Variants in PCDH11Y observed in about 807,000 individuals in gnomAD.
PCDH11Y encodes the protein protocadherin-11 Y-linked.
For synonymous variants in PCDH11Y, 9 were observed against 83.6 expected (o/e 0.11, Z 4.87); for missense variants, 12 against 224.8 (o/e 0.05, Z 6.05).
chrY:5,308,109 A>C, intron 2 of PCDH11Y, among the ~76,000 whole-genome samples: 1 of 33,384 alleles, frequency 3.0e-5, no homozygotes, highest in East Asian at 7.9e-4. Context: ...TTTAAATATG[A>C]GGGGAATTTT....
At chrY:5,567,220 T>A in intron 3 of PCDH11Y, among the ~76,000 whole-genome samples, 1 of 32,488 alleles carries the variant, frequency 3.1e-5, no homozygotes, top group Non-Finnish European at 7.6e-5. Flanking sequence ...TGAAATAGCG[T>A]TTAAAATACC....
At chrY:5,006,354 C>T in intron 1 of PCDH11Y, among the ~76,000 whole-genome samples, 1 of 30,094 alleles carries the variant, frequency 3.3e-5, no homozygotes, top group Admixed American at 3.1e-4. Context: ...CCTGTGTCAA[C>T]GTGTGTTCAT....
At chrY:5,378,017 G>A in intron 2 of PCDH11Y, among the ~76,000 whole-genome samples, 1 of 33,417 alleles carries the variant, frequency 3.0e-5, no homozygotes, top group Non-Finnish European at 7.4e-5. Flanking sequence ...GAGATTACAG[G>A]CGTGAGCCAC....
chrY:5,488,008 A>G (rs2124686697), intron 2 of PCDH11Y, among the ~76,000 whole-genome samples: 1 of 33,896 alleles, frequency 3.0e-5, no homozygotes, highest in East Asian at 7.7e-4. Flanking sequence ...TAACAAACAC[A>G]CTGAAGAGAT....
At chrY:5,349,585 G>T (rs2053155726) in intron 2 of PCDH11Y, among the ~76,000 whole-genome samples, 1 of 33,664 alleles carries the variant, frequency 3.0e-5, no homozygotes. Flanking sequence ...TGGATGAATA[G>T]ATTTAAATTT....
At chrY:5,698,863 ATGT>A in intron 4 of PCDH11Y, among the ~76,000 whole-genome samples, 1 of 33,228 alleles carries the variant, frequency 3.0e-5, no homozygotes, top group Non-Finnish European at 7.4e-5. Flanking sequence ...TGCTAAAGAG[ATGT>A]TGTGATAATT....
intron 4 of PCDH11Y, among the ~76,000 whole-genome samples, chrY:5,725,682 C>G: frequency 3.2e-5 from 1 of 31,720 alleles, no homozygotes; most frequent in Admixed American, 2.9e-4. Context: ...CAAGCAACAA[C>G]AAAAAAATAC....
intron 2 of PCDH11Y, among the ~76,000 whole-genome samples, chrY:5,374,244 C>A: frequency 3.4e-5 from 1 of 29,503 alleles, no homozygotes; most frequent in Admixed American, 3.3e-4. Context: ...ATTTTTTGTT[C>A]CAATGTAGAG....
chrY:5,601,693 A>G, intron 4 of PCDH11Y, among the ~76,000 whole-genome samples: 1 of 32,888 alleles, frequency 3.0e-5, no homozygotes, highest in Admixed American at 2.8e-4. Flanking sequence ...TGTATGTGTT[A>G]TTATATATTT....
At chrY:5,372,626 G>C in intron 2 of PCDH11Y, among the ~76,000 whole-genome samples, 1 of 31,315 alleles carries the variant, frequency 3.2e-5, no homozygotes, top group Non-Finnish European at 7.9e-5. Flanking sequence ...AAAACTGTCT[G>C]ACCTGTGACC....
At chrY:5,694,373 G>A (rs2053570090) in intron 4 of PCDH11Y, among the ~76,000 whole-genome samples, 1 of 32,230 alleles carries the variant, frequency 3.1e-5, no homozygotes, top group Admixed American at 2.9e-4. Flanking sequence ...CATTATGTAC[G>A]TAAATAAACA....
At chrY:5,718,221 A>G in intron 4 of PCDH11Y, among the ~76,000 whole-genome samples, 1 of 33,470 alleles carries the variant, frequency 3.0e-5, no homozygotes, top group Non-Finnish European at 7.4e-5. Context: ...TTAACTGTAC[A>G]TTAAAAAATA....
At chrY:5,357,216 C>CAT in intron 2 of PCDH11Y, among the ~76,000 whole-genome samples, 1 of 20,180 alleles carries the variant, frequency 5.0e-5, no homozygotes, top group African/African-American at 2.3e-4. Context: ...TATATATATA[C>CAT]ACGTATATAT....
chrY:5,026,195 G>A, intron 1 of PCDH11Y, among the ~76,000 whole-genome samples: 1 of 32,713 alleles, frequency 3.1e-5, no homozygotes, highest in East Asian at 8.2e-4. Flanking sequence ...ATAATAATAG[G>A]CATGTGATAA....
intron 4 of PCDH11Y, among the ~76,000 whole-genome samples, chrY:5,631,020 G>T: frequency 3.1e-5 from 1 of 31,959 alleles, no homozygotes; most frequent in East Asian, 8.1e-4. Context: ...AGGAACTTCC[G>T]CATTTCTGGA....
At position 5,682,444 on chromosome Y, in the gene PCDH11Y, T is replaced by A. The variant is rs1280009327; in HGVS notation, c.3353-54828T>A. ...GCAATGGGGGAGCAATTATGTCACA[T>A]GGCAAAAGCATGAGCAAGAGAGTGA... On this transcript the variant is annotated intron_variant, in intron 4 of 4. Coordinates refer to the PCDH11Y transcript ENST00000400457. 3.0e-4 allele frequency among the ~76,000 whole-genome samples: 8 copies of A among 26,753 alleles called. No homozygotes were observed. The East Asian group carries it at 3.9e-3, about 13-fold the overall frequency. The allele number at this position is 26,753 out of a possible 37,273, so 71.8% of individuals were successfully genotyped here.
intron 2 of PCDH11Y, among the ~76,000 whole-genome samples, chrY:5,488,374 G>A: frequency 3.0e-5 from 1 of 32,808 alleles, no homozygotes; most frequent in African/African-American, 1.2e-4. Flanking sequence ...GTTCCATTAT[G>A]TTTAATTTAA....
intron 2 of PCDH11Y, among the ~76,000 whole-genome samples, chrY:5,433,432 G>A: frequency 1.8e-4 from 6 of 33,274 alleles, no homozygotes; most frequent in Non-Finnish European, 4.4e-4. Flanking sequence ...TATATGTCTT[G>A]AGACTGTCTT....
chrY:5,684,032 A>C, intron 4 of PCDH11Y, among the ~76,000 whole-genome samples: 1 of 33,122 alleles, frequency 3.0e-5, no homozygotes, highest in Non-Finnish European at 7.5e-5. Flanking sequence ...GACAACCTGC[A>C]GAGTGTGAGA....
Sources: allele counts gnomAD v4.1 joint callset (sites outside exome capture counted in the v4.1 genomes callset), GRCh38; gene constraint gnomAD v4.1.1; transcripts MANE v1.5; gene names NCBI Gene and HGNC (gene_info 2026-07-23, HGNC 2026-07-21).